Variants in CEP162 observed in about 807,000 individuals in gnomAD.
CEP162 encodes centrosomal protein of 162 kDa.
A neutral mutation model predicts 169.2 loss-of-function variants in CEP162; 141 were observed. That is an observed-to-expected ratio of 0.83 (90% CI 0.73 to 0.96). The LOEUF is 0.96. Among genes scored for constraint, CEP162 ranks in the 40% least tolerant of loss-of-function variants. CEP162 has a pLI of 0.00. For synonymous variants in CEP162, 540 were observed against 526.4 expected (o/e 1.03, Z -0.35); for missense variants, 1,600 against 1,587.2 (o/e 1.01, Z -0.14).
chr6:84,126,896 C>T (rs900921238), intron 25 of CEP162, among the ~76,000 whole-genome samples: 3 of 152,162 alleles, frequency 2.0e-5, no homozygotes, highest in African/African-American at 7.2e-5. Flanking sequence ...GTGCCCCATG[C>T]ACAGAAAGAG....
At chr6:84,207,834 T>C (rs559417580) in intron 6 of CEP162, among the ~76,000 whole-genome samples, 2 of 152,200 alleles carry the variant, frequency 1.3e-5, no homozygotes, top group African/African-American at 4.8e-5. Context: ...TTTTTAGTCT[T>C]TTATATTATT....
In CEP162 at chr6:84,185,233, G is replaced by T. The variant is rs1452948525; in HGVS notation, c.1617C>A (p.Ser539Arg). The change falls in exon 13 of 27, where the codon AGC becomes AGA. Residue 539 changes from serine (S) to arginine (R), a missense_variant. Ser to Arg is a moderately radical substitution (Grantham distance 110). Transcript: ENST00000403245. ...AGGTAGAAATCGATCTCAAGTTTTTGCTTTTTATAATGTCCTCTGAAGTTT... is the reference window on the plus strand; with the variant it reads ...AGGTAGAAATCGATCTCAAGTTTTTTCTTTTTATAATGTCCTCTGAAGTTT... Reference protein sequence around the residue: ...EKKTSEDIIKSKNLRSISTSN... With the variant: ...EKKTSEDIIKRKNLRSISTSN... The T allele has an allele frequency of 9.9e-6, 16 of 1,612,874 alleles. No individual in the cohort carries two copies. The highest frequency in any genetic ancestry group is 1.4e-5 in the Non-Finnish European group (16 of 1,179,228).
intron 9 of CEP162, among the ~76,000 whole-genome samples, chr6:84,198,721 A>G (rs953088234): frequency 1.3e-5 from 2 of 152,218 alleles, no homozygotes; most frequent in African/African-American, 4.8e-5. Context: ...GATAATAACA[A>G]CAACAAAGTT....
At chr6:84,138,269 C>T (rs1285136794) in intron 25 of CEP162, among the ~76,000 whole-genome samples, 3 of 152,198 alleles carry the variant, frequency 2.0e-5, no homozygotes, top group Admixed American at 6.5e-5. Context: ...TTTTCAGACA[C>T]TGGATAACAG....
At position 84,226,400 on chromosome 6, in the gene CEP162, C is replaced by T. The variant is rs2099555767; in HGVS notation, c.-7G>A. 2.6e-6 allele frequency: 4 copies of T among 1,562,964 alleles called. No homozygotes were observed. In the East Asian group the frequency reaches 6.9e-5, roughly 27 times the overall value. ...CTTGGGAACAGTTAGCCATAGTCAACAATTTTGACCTCCCAAAGTAAACAT... is the reference window on the plus strand; with the variant it reads ...CTTGGGAACAGTTAGCCATAGTCAATAATTTTGACCTCCCAAAGTAAACAT... On this transcript the variant is annotated 5_prime_UTR_variant, in exon 2 of 27. Transcript: ENST00000403245.
rs1179659044 is a variant in CEP162, at chr6:84,174,919, C to A, written c.1833G>T (p.Lys611Asn). 2.5e-6 allele frequency: 4 copies of A among 1,609,250 alleles called. No homozygotes were observed. The Admixed American group carries it at 6.7e-5, about 27-fold the overall frequency. ...SLGYCGENKE[K>N]KLLMFKRVQE... ...GAACTCTTTTAAACATAAGTAATTT[C>A]TTCTCCTTGTTCTCACCACAGTATC... The change falls in exon 15 of 27, where the codon AAG (lysine) becomes AAT (asparagine). Residue 611 changes from lysine (K) to asparagine (N), a missense_variant. Lys to Asn is a moderately conservative substitution (Grantham distance 94). Transcript: ENST00000403245.
chr6:84,202,774 G>T (rs1466718744), intron 7 of CEP162, among the ~76,000 whole-genome samples: 1 of 151,702 alleles, frequency 6.6e-6, no homozygotes, highest in Non-Finnish European at 1.5e-5. Flanking sequence ...ATAAAATATT[G>T]TAATTGCCAT....
At chr6:84,153,256 G>A (rs886386777) in intron 22 of CEP162, 77 bp from the exon 23 acceptor site, 5 of 1,318,178 alleles carry the variant, frequency 3.8e-6, no homozygotes, top group Non-Finnish European at 5.1e-6. Context: ...ACACTACTGG[G>A]TCCTACCTAA....
In CEP162 at chr6:84,161,885, ATTT is replaced by A; in HGVS notation, c.2534_2536del (p.Lys845del). 1.9e-6 allele frequency: 3 copies of A among 1,552,470 alleles called. No individual in the cohort carries two copies. Among genetic ancestry groups the A allele is most frequent in the Admixed American group, 1.9e-5 (1 of 53,976 alleles). ...TTCTTGTTTATGTGTTTCTTCTAAA[ATTT>A]TTATTTCATATAATTTCTCACCTAT... On this transcript the variant is annotated inframe_deletion, in exon 20 of 27. Transcript: ENST00000403245.
Position 84,194,942 on chromosome 6 carries a change from C to T in CEP162, c.969G>A (p.Val323=). The T allele has an allele frequency of 6.2e-7, 1 of 1,613,288 alleles. No homozygotes were observed. The highest frequency in any genetic ancestry group is 1.6e-4 in the Middle Eastern group (1 of 6,062). The part of the protein sequence containing the change: ...SNTVEDIKSS[V]KGHPQENEEN... ...CTTCATTTTCTTGAGGATGACCTTT[C>T]ACTGAGCTCTTGATATCTTCCACTG... is the stretch of plus-strand genomic sequence containing the variant. The change falls in exon 10 of 27, where the codon GTG becomes GTA. Residue 323 remains valine (V), a synonymous_variant. Coordinates refer to ENST00000403245, the MANE Select transcript of CEP162 (RefSeq NM_014895.4).
rs41271603 is a variant in CEP162 at position 84,171,710 on chromosome 6, T to C, written c.2175A>G (p.Glu725=). The C allele has an allele frequency of 0.057, 81,700 of 1,429,848 alleles. 2,795 individuals are homozygous for C. Among genetic ancestry groups the C allele is most frequent in the South Asian group, 0.087 (6,248 of 71,406 alleles). The allele number at this position is 1,429,848 out of a possible 1,614,324, so 88.6% of individuals were successfully genotyped here. Residue 725 remains glutamate, a synonymous_variant, in exon 17 of 27, where the codon GAA becomes GAG. Transcript: ENST00000403245. The stretch of plus-strand genomic sequence containing the variant: ...GATCTTTTACTTGATTATATAATCG[T>C]TCATTTTCCTTTTTAAAAACAGAAA... The part of the protein sequence containing the change: ...TLLQGYQQEN[E]RLYNQVKDLQ...
intron 13 of CEP162, among the ~76,000 whole-genome samples, chr6:84,175,952 T>C (rs2129223132): frequency 6.6e-6 from 1 of 152,208 alleles, no homozygotes; most frequent in East Asian, 1.9e-4. Flanking sequence ...ATATATTCTG[T>C]TCCAATTTTC....
At chr6:84,178,473 T>C (rs1032886018) in intron 13 of CEP162, among the ~76,000 whole-genome samples, 1 of 152,190 alleles carries the variant, frequency 6.6e-6, no homozygotes, top group Non-Finnish European at 1.5e-5. Context: ...TGTTTACTTT[T>C]TTGGTAATAA....
chr6:84,146,166 T>C (rs1364754590), intron 25 of CEP162, among the ~76,000 whole-genome samples: 1 of 152,104 alleles, frequency 6.6e-6, no homozygotes, highest in Non-Finnish European at 1.5e-5. Context: ...CTAATCCAAA[T>C]CTCTTCAAAG....
chr6:84,171,055 G>A (rs2099529916), intron 17 of CEP162, among the ~76,000 whole-genome samples: 1 of 152,148 alleles, frequency 6.6e-6, no homozygotes. Context: ...AGCTTCTTGG[G>A]AGGAGAATGA....
At chr6:84,194,251 A>T (rs2099541107) in intron 10 of CEP162, among the ~76,000 whole-genome samples, 1 of 151,486 alleles carries the variant, frequency 6.6e-6, no homozygotes, top group Non-Finnish European at 1.5e-5. Context: ...GCTATGCAGG[A>T]GGCTGAGGCA....
chr6:84,170,896 A>G (rs1397966081), intron 17 of CEP162, among the ~76,000 whole-genome samples: 1 of 152,154 alleles, frequency 6.6e-6, no homozygotes, highest in Non-Finnish European at 1.5e-5. Flanking sequence ...TGCTGGCTGA[A>G]AACAACTTAC....
At chr6:84,162,730 C>T (rs1398175663) in intron 19 of CEP162, among the ~76,000 whole-genome samples, 19 of 152,076 alleles carry the variant, frequency 1.2e-4, no homozygotes, top group Admixed American at 1.2e-3. Flanking sequence ...CCTTGGTTTT[C>T]GTAGTAGGGA....
intron 2 of CEP162, among the ~76,000 whole-genome samples, chr6:84,223,168 TTTCA>T (rs925239159): frequency 1.3e-5 from 2 of 152,208 alleles, no homozygotes; most frequent in African/African-American, 4.8e-5. Context: ...TTCCCAGCAC[TTTCA>T]TTAATTATTT....
Sources: gnomAD v4.1 joint callset for allele counts (sites outside exome capture counted in the v4.1 genomes callset) on GRCh38, gnomAD v4.1.1 for gene constraint, MANE v1.5 for transcripts, NCBI Gene and HGNC (gene_info 2026-07-23, HGNC 2026-07-21) for gene names.